The following CT47C1 variants were observed in gnomAD, a reference collection of about 807,000 sequenced individuals.
CT47C1 encodes cancer/testis antigen family 47 member A11 pseudogene.
At chrX:119,073,505 G>A in the CT47C1 span, 1 of 514,308 alleles carries the variant, frequency 1.9e-6, no homozygotes, top group Non-Finnish European at 3.5e-6. Flanking sequence ...GGAGGATGAG[G>A]AGGAGGAAGA....
chrX:119,073,918 C>T, the CT47C1 span: 1 of 818,267 alleles, frequency 1.2e-6, no homozygotes, highest in Non-Finnish European at 1.8e-6. Context: ...CAGAGGAGGC[C>T]GCAGAAGAGC....
At chrX:119,074,936 C>T in the CT47C1 span, 1 of 1,023,550 alleles carries the variant, frequency 9.8e-7, no homozygotes, top group Non-Finnish European at 1.4e-6. Flanking sequence ...CTGGTCCCAA[C>T]ATCTGTATTA....
the CT47C1 span, chrX:119,075,217 GT>G: frequency 2.1e-6 from 2 of 958,940 alleles, no homozygotes; most frequent in Non-Finnish European, 2.8e-6. Flanking sequence ...TTAAGAAAAG[GT>G]TTTAGTTTAA....
the CT47C1 span, chrX:119,073,526 G>T: frequency 3.9e-6 from 2 of 517,170 alleles, no homozygotes; most frequent in Non-Finnish European, 3.5e-6. Flanking sequence ...GGAGGAGGAG[G>T]AGGAAGAGAG....
the CT47C1 span, chrX:119,073,553 T>A: frequency 5.8e-6 from 3 of 520,244 alleles, no homozygotes; most frequent in African/African-American, 6.8e-5. Context: ...GGCGGACAAC[T>A]TCGACTTGGT....
chrX:119,073,910 G>A, the CT47C1 span: 1 of 831,298 alleles, frequency 1.2e-6, no homozygotes, highest in African/African-American at 2.2e-5. Context: ...GAAGCCCACA[G>A]AGGAGGCCGC....
At chrX:119,073,943 TCAGAGAAGCCCACAGAGGAGGCCG>T in the CT47C1 span, 41 of 791,822 alleles carry the variant, frequency 5.2e-5, no homozygotes, top group East Asian at 1.3e-3. Flanking sequence ...AGAGGAGGCC[TCAGAGAAGCCCACAGAGGAGGCCG>T]CAGAGGAGGA....
At chrX:119,076,300 TCTAA>T in the CT47C1 span, 1 of 112,836 alleles carries the variant, frequency 8.9e-6, no homozygotes, top group African/African-American at 3.2e-5. Flanking sequence ...TCTAGTGACA[TCTAA>T]CTTTTATCTT....
chrX:119,075,731 C>CTTTTTTTT, the CT47C1 span, among the ~76,000 whole-genome samples: 9 of 87,140 alleles, frequency 1.0e-4, no homozygotes, highest in Non-Finnish European at 1.4e-4. Flanking sequence ...TTTCTTTTTT[C>CTTTTTTTT]TTTTTTTTTT....
At chrX:119,074,155 G>A in the CT47C1 span, 1 of 428,879 alleles carries the variant, frequency 2.3e-6, no homozygotes, top group South Asian at 4.9e-5. Flanking sequence ...GCCGCGGTGT[G>A]CGCACAGCTG....
chrX:119,073,366 C>T, the CT47C1 span: 3 of 534,836 alleles, frequency 5.6e-6, no homozygotes, highest in Admixed American at 4.7e-5. Flanking sequence ...TGGCCGGAGT[C>T]GCAGGGCCCA....
chrX:119,075,774 A>G, the CT47C1 span, among the ~76,000 whole-genome samples: 1 of 107,123 alleles, frequency 9.3e-6, no homozygotes, highest in Non-Finnish European at 1.9e-5. Context: ...TTATTTCATA[A>G]CAGCTTCTTT....
the CT47C1 span, among the ~76,000 whole-genome samples, chrX:119,076,027 GTTC>G: frequency 7.1e-5 from 8 of 112,581 alleles, no homozygotes; most frequent in African/African-American, 2.6e-4. Context: ...AGGAAAAGGT[GTTC>G]TTCTCTACTT....
At chrX:119,073,732 C>T in the CT47C1 span, 282 of 766,014 alleles carry the variant, frequency 3.7e-4, 3 homozygotes, top group African/African-American at 3.7e-3. Flanking sequence ...CAGAAGAGCC[C>T]CGGCTGTTGC....
At chrX:119,073,541 G>A in the CT47C1 span, 2 of 517,930 alleles carry the variant, frequency 3.9e-6, no homozygotes, top group Admixed American at 2.6e-5. Context: ...AGAGAGGAAC[G>A]AGGCGGACAA....
the CT47C1 span, chrX:119,073,860 C>A: frequency 1.1e-6 from 1 of 869,610 alleles, no homozygotes; most frequent in Non-Finnish European, 1.7e-6. Flanking sequence ...GCCGAGATGG[C>A]CAGGGAGCCT....
chrX:119,073,200 C>T, the CT47C1 span: 16 of 472,391 alleles, frequency 3.4e-5, no homozygotes, highest in Non-Finnish European at 5.6e-5. Context: ...CTAGTCGCCA[C>T]TCCAGTTGAG....
chrX:119,074,382 C>T, the CT47C1 span, among the ~76,000 whole-genome samples: 1 of 111,458 alleles, frequency 9.0e-6, no homozygotes, highest in African/African-American at 3.3e-5. Context: ...GATGAATGGC[C>T]AGGTAGATAG....
chrX:119,076,171 A>G, the CT47C1 span: 6 of 112,719 alleles, frequency 5.3e-5, no homozygotes, highest in African/African-American at 1.9e-4. Context: ...AGTTGGGAAG[A>G]ATAGAAAGAA....
Sources: allele counts gnomAD v4.1 joint callset (sites outside exome capture counted in the v4.1 genomes callset), GRCh38; gene constraint gnomAD v4.1.1; transcripts MANE v1.5; gene names NCBI Gene and HGNC (gene_info 2026-07-23, HGNC 2026-07-21).